The following KCTD16 variants were observed in gnomAD, a reference collection of about 807,000 sequenced individuals.
KCTD16 encodes potassium channel tetramerization domain containing 16.
Under a neutral mutation model 33.2 loss-of-function variants are expected in KCTD16, and 13 were observed. That is an observed-to-expected ratio of 0.39 (90% confidence interval 0.25 to 0.62). The LOEUF (loss-of-function observed/expected upper bound fraction) is 0.62. KCTD16 is among the 20% of genes least tolerant of loss of function. The probability of loss-of-function intolerance (pLI) is 0.50; values close to 1 mark genes in which losing one functional copy is unlikely to be tolerated. For synonymous variants in KCTD16, 197 were observed against 195.3 expected (o/e 1.01, Z -0.07); for missense variants, 441 against 525.1 (o/e 0.84, Z 1.57).
At chr5:144,381,882 C>A (rs951536224) in intron 3 of KCTD16, among the ~76,000 whole-genome samples, 2 of 152,066 alleles carry the variant, frequency 1.3e-5, no homozygotes, top group Non-Finnish European at 2.9e-5. Flanking sequence ...TGGGTACATA[C>A]CTAAAGGAAT....
intron 3 of KCTD16, among the ~76,000 whole-genome samples, chr5:144,323,097 G>C (rs1752116792): frequency 6.6e-6 from 1 of 152,116 alleles, no homozygotes; most frequent in African/African-American, 2.4e-5. Context: ...AAAAGGAAGT[G>C]CTATTATGAT....
chr5:144,398,729 C>G (rs1016765049), intron 3 of KCTD16, among the ~76,000 whole-genome samples: 3 of 151,932 alleles, frequency 2.0e-5, no homozygotes, highest in Non-Finnish European at 2.9e-5. Context: ...CTCTCTCTCT[C>G]TCTTATATAA....
chr5:144,272,571 T>C (rs1755328599), intron 3 of KCTD16, among the ~76,000 whole-genome samples: 1 of 152,168 alleles, frequency 6.6e-6, no homozygotes, highest in South Asian at 2.1e-4. Context: ...CAAAATTTAC[T>C]ACAAAGCTAC....
Position 144,206,651 on chromosome 5 carries a change from T to TA in KCTD16, c.-62dup. ...CTTTCTTACAAGTTGATCCAAAGGA[T>TA]AAGGCTGTGACTCCATTGGATTGCA... is the stretch of plus-strand genomic sequence containing the variant. On this transcript the variant is annotated 5_prime_UTR_variant, in exon 3 of 4. Transcript: ENST00000512467. The TA allele has an allele frequency of 7.4e-7, 1 of 1,351,478 alleles. No homozygotes were observed. The highest frequency in any genetic ancestry group is 1.0e-6 in the Non-Finnish European group (1 of 970,466). The allele number at this position is 1,351,478 out of a possible 1,614,324, so 83.7% of individuals were successfully genotyped here.
intron 2 of KCTD16, among the ~76,000 whole-genome samples, chr5:144,188,444 T>C (rs558677723): frequency 6.6e-6 from 1 of 152,292 alleles, no homozygotes; most frequent in East Asian, 1.9e-4. Flanking sequence ...GTGGTAAGCT[T>C]TCTCATCCTA....
chr5:144,216,865 AAG>A (rs968160497), intron 3 of KCTD16, among the ~76,000 whole-genome samples: 2 of 151,764 alleles, frequency 1.3e-5, no homozygotes, highest in African/African-American at 4.8e-5. Flanking sequence ...AAAAAAGAAA[AAG>A]AGAGAGAGAC....
intron 3 of KCTD16, among the ~76,000 whole-genome samples, chr5:144,374,025 A>T (rs1267427767): frequency 6.6e-6 from 1 of 152,172 alleles, no homozygotes; most frequent in African/African-American, 2.4e-5. Context: ...TCTTGCCTCT[A>T]TGTACAGACC....
chr5:144,253,578 G>A (rs960239889), intron 3 of KCTD16, among the ~76,000 whole-genome samples: 1 of 152,060 alleles, frequency 6.6e-6, no homozygotes, highest in African/African-American at 2.4e-5. Context: ...CTTTTTTGGG[G>A]GTTCAGAAAT....
chr5:144,287,385 C>G (rs949014354), intron 3 of KCTD16, among the ~76,000 whole-genome samples: 1 of 152,190 alleles, frequency 6.6e-6, no homozygotes, highest in South Asian at 2.1e-4. Context: ...GCCAATTGAT[C>G]GTTATGCTCC....
intron 3 of KCTD16, among the ~76,000 whole-genome samples, chr5:144,343,636 T>C (rs1169788236): frequency 6.6e-6 from 1 of 152,088 alleles, no homozygotes; most frequent in Non-Finnish European, 1.5e-5. Context: ...TGAATGTGTT[T>C]GCTCTTGCTT....
At chr5:144,348,012 T>C (rs1752850890) in intron 3 of KCTD16, among the ~76,000 whole-genome samples, 1 of 152,228 alleles carries the variant, frequency 6.6e-6, no homozygotes, top group African/African-American at 2.4e-5. Context: ...AGCTGTTTGC[T>C]GCCTAACCTA....
At chr5:144,206,368 A>T (rs1753170560) in intron 2 of KCTD16, 21 bp from the exon 3 acceptor site, 1 of 201,196 alleles carries the variant, frequency 5.0e-6, no homozygotes, top group Non-Finnish European at 9.9e-6. Context: ...TGAGGAAATA[A>T]TTTTTTCTCT....
intron 2 of KCTD16, among the ~76,000 whole-genome samples, chr5:144,191,593 T>A (rs1294292911): frequency 6.6e-6 from 1 of 152,122 alleles, no homozygotes. Context: ...CCTCTCATCC[T>A]CCCTCCCTAA....
At chr5:144,376,396 A>T (rs1202887252) in intron 3 of KCTD16, among the ~76,000 whole-genome samples, 2 of 152,214 alleles carry the variant, frequency 1.3e-5, no homozygotes, top group Non-Finnish European at 2.9e-5. Flanking sequence ...ATTCCTTTGT[A>T]GAGAGAGATA....
intron 3 of KCTD16, among the ~76,000 whole-genome samples, chr5:144,226,138 G>A (rs1020140468): frequency 3.3e-5 from 5 of 152,166 alleles, no homozygotes; most frequent in African/African-American, 1.2e-4. Flanking sequence ...CTGATTGAGT[G>A]CAAGTCACCC....
intron 3 of KCTD16, among the ~76,000 whole-genome samples, chr5:144,277,850 T>G (rs1452059334): frequency 6.6e-6 from 1 of 152,208 alleles, no homozygotes; most frequent in Admixed American, 6.5e-5. Flanking sequence ...GTTAAAAACT[T>G]TTATCTAGTT....
chr5:144,328,532 A>AT (rs1752269074), intron 3 of KCTD16, among the ~76,000 whole-genome samples: 2 of 147,248 alleles, frequency 1.4e-5, no homozygotes, highest in African/African-American at 5.0e-5. Flanking sequence ...ATTTTTTTTT[A>AT]TTTTGCAAGC....
At chr5:144,297,972 C>T (rs943380261) in intron 3 of KCTD16, among the ~76,000 whole-genome samples, 1 of 152,186 alleles carries the variant, frequency 6.6e-6, no homozygotes, top group African/African-American at 2.4e-5. Flanking sequence ...CACAGACCCC[C>T]CTTGACTTTC....
chr5:144,338,939 A>G (rs964799401), intron 3 of KCTD16, among the ~76,000 whole-genome samples: 2 of 152,194 alleles, frequency 1.3e-5, no homozygotes, highest in African/African-American at 4.8e-5. Context: ...GTAGTTAACA[A>G]AAAAGATGTT....
Sources: gnomAD v4.1 joint callset for allele counts (sites outside exome capture counted in the v4.1 genomes callset) on GRCh38, gnomAD v4.1.1 for gene constraint, MANE v1.5 for transcripts, NCBI Gene and HGNC (gene_info 2026-07-23, HGNC 2026-07-21) for gene names.